CHN1: variants seen among roughly 807,000 people sequenced by gnomAD.
The protein encoded by CHN1 is N-chimaerin.
A neutral mutation model predicts 59.5 loss-of-function variants in CHN1; 37 were observed. The ratio of observed to expected loss-of-function variants is 0.62; its 90% CI spans 0.48 to 0.82. The LOEUF (loss-of-function observed/expected upper bound fraction) is 0.82, where lower values mean the gene tolerates loss of function less well. Among genes scored for constraint, CHN1 ranks in the 40% least tolerant of loss-of-function variants. CHN1 has a pLI of 0.00. For synonymous variants in CHN1, 206 were observed against 200.4 expected (o/e 1.03, Z -0.24); for missense variants, 469 against 571.0 (o/e 0.82, Z 1.82).
At chr2:174,900,742 T>C (rs2105356137) in intron 5 of CHN1, among the ~76,000 whole-genome samples, 2 of 151,400 alleles carry the variant, frequency 1.3e-5, no homozygotes, top group Middle Eastern at 6.8e-3. Flanking sequence ...GAAGCAGAGG[T>C]TGCAGTGAGC....
intron 1 of CHN1, among the ~76,000 whole-genome samples, chr2:174,969,847 A>G (rs1423521141): frequency 6.6e-6 from 1 of 152,160 alleles, no homozygotes; most frequent in Non-Finnish European, 1.5e-5. Flanking sequence ...CTTACTGCCT[A>G]GAACAGTAAT....
intron 1 of CHN1, among the ~76,000 whole-genome samples, chr2:174,969,794 G>A (rs35444483): frequency 0.013 from 2,025 of 152,160 alleles, 15 homozygotes; most frequent in Middle Eastern, 0.024. Flanking sequence ...TAAGCTCGAT[G>A]AGGGCAGGAT....
rs34155510 is a variant in CHN1 at position 174,946,900 on chromosome 2, TAAAAAAAA to T, written c.59-1965_59-1958del. Among the ~76,000 whole-genome samples, 529 of 100,192 alleles carry T rather than the reference TAAAAAAAA, an allele frequency of 5.3e-3. 6 individuals are homozygous for T. The highest frequency in any genetic ancestry group is 0.019 in the African/African-American group (496 of 26,492). 65.7% of individuals were successfully genotyped at this position (100,192 alleles called of 152,430 possible). On this transcript the variant is annotated intron_variant, in intron 2 of 12. Coordinates refer to ENST00000409900, the MANE Select transcript of CHN1 (RefSeq NM_001822.7). ...AGCGAGACCCTGTCTCTAAAAAATG[TAAAAAAAA>T]AAAAAAAAAAAAAAAAAATTCTTCA... is the stretch of plus-strand genomic sequence containing the variant.
chr2:174,870,772 TAAAG>T (rs1687383075), intron 6 of CHN1, among the ~76,000 whole-genome samples: 1 of 152,212 alleles, frequency 6.6e-6, no homozygotes, highest in African/African-American at 2.4e-5. Flanking sequence ...CTCACCAAAA[TAAAG>T]ACTTTGAAGT....
rs80286773 is a variant in CHN1 at position 174,888,838 on chromosome 2, A to G, written c.261-10710T>C. 1.9e-3 allele frequency among the ~76,000 whole-genome samples: 289 copies of G among 152,330 alleles called. 3 individuals carry two copies. In the East Asian group the frequency reaches 0.036, roughly 19 times the overall value. ...TTGCCTCAGGGCACTCACTCAAAGC[A>G]CTAATGGAACTGGTAATGTAAGGAT... On this transcript the variant is annotated intron_variant, in intron 5 of 12. Transcript: ENST00000409900.
At chr2:174,935,696 C>A (rs1217758486) in intron 3 of CHN1, among the ~76,000 whole-genome samples, 1 of 152,026 alleles carries the variant, frequency 6.6e-6, no homozygotes, top group Non-Finnish European at 1.5e-5. Flanking sequence ...GAGGCTGAGG[C>A]AGGAGGATCG....
At chr2:174,902,875 T>G (rs997541432) in intron 5 of CHN1, among the ~76,000 whole-genome samples, 2 of 152,210 alleles carry the variant, frequency 1.3e-5, no homozygotes, top group African/African-American at 4.8e-5. Context: ...CAGGAACTCT[T>G]TGGCCAAGCT....
intron 2 of CHN1, among the ~76,000 whole-genome samples, chr2:174,947,540 AGTG>A (rs1689882828): frequency 6.8e-6 from 1 of 146,870 alleles, no homozygotes; most frequent in Non-Finnish European, 1.5e-5. Flanking sequence ...GCTGGAGTGC[AGTG>A]GCACACACAT....
chr2:174,875,609 C>T (rs540242031), intron 6 of CHN1, among the ~76,000 whole-genome samples: 2 of 152,182 alleles, frequency 1.3e-5, no homozygotes, highest in Non-Finnish European at 2.9e-5. Flanking sequence ...TTAATTCCAA[C>T]ACTAGTATCT....
At chr2:174,846,729 G>T (rs1686527890) in intron 7 of CHN1, 151 bp downstream of exon 7, 1 of 879,022 alleles carries the variant, frequency 1.1e-6, no homozygotes. Flanking sequence ...TATTCCTCAA[G>T]TAAAATCAGG....
At chr2:174,883,939 G>A (rs976202029) in intron 5 of CHN1, among the ~76,000 whole-genome samples, 5 of 146,252 alleles carry the variant, frequency 3.4e-5, no homozygotes, top group African/African-American at 5.0e-5. Context: ...AATTAAGATA[G>A]AGAATCAATC....
At chr2:174,950,777 G>T (rs949871929) in intron 2 of CHN1, among the ~76,000 whole-genome samples, 18 of 127,298 alleles carry the variant, frequency 1.4e-4, no homozygotes, top group African/African-American at 4.0e-4. Flanking sequence ...ATGCAGAGAA[G>T]TTTTTTTTTT....
At chr2:174,854,118 A>G (rs1686828433) in intron 6 of CHN1, among the ~76,000 whole-genome samples, 1 of 152,194 alleles carries the variant, frequency 6.6e-6, no homozygotes, top group Admixed American at 6.5e-5. Context: ...AAATATGATC[A>G]AATTTTCATA....
intron 6 of CHN1, among the ~76,000 whole-genome samples, chr2:174,858,764 C>G (rs17270477): frequency 0.37 from 56,691 of 151,668 alleles, 11,003 homozygotes; most frequent in Admixed American, 0.47. Flanking sequence ...TATTTTTATA[C>G]AGACTGTGTC....
chr2:174,939,789 C>A (rs928108261), intron 3 of CHN1, among the ~76,000 whole-genome samples: 10 of 152,004 alleles, frequency 6.6e-5, no homozygotes, highest in Admixed American at 6.6e-5. Context: ...TAATCAAGTA[C>A]CTCATACTTA....
At chr2:174,837,901 A>G (rs1574073018) in intron 7 of CHN1, among the ~76,000 whole-genome samples, 1 of 152,236 alleles carries the variant, frequency 6.6e-6, no homozygotes, top group African/African-American at 2.4e-5. Flanking sequence ...GGGCTATTTG[A>G]TGGAGGCAAC....
intron 11 of CHN1, among the ~76,000 whole-genome samples, chr2:174,806,076 C>G (rs1461195173): frequency 6.6e-6 from 1 of 152,088 alleles, no homozygotes; most frequent in Non-Finnish European, 1.5e-5. Flanking sequence ...ACTGGAGGCT[C>G]TGTGACAAGC....
At chr2:174,945,001 AT>A in intron 2 of CHN1, 58 bp from the exon 3 acceptor site, 1 of 1,254,660 alleles carries the variant, frequency 8.0e-7, no homozygotes, top group Non-Finnish European at 1.1e-6. Context: ...TTATCAATAT[AT>A]TAGAAATAAA....
At chr2:174,947,443 G>A (rs542061596) in intron 2 of CHN1, among the ~76,000 whole-genome samples, 2 of 150,746 alleles carry the variant, frequency 1.3e-5, no homozygotes, top group African/African-American at 4.9e-5. Flanking sequence ...GGCTACCAGT[G>A]GTTACTAACA....
Sources: gnomAD v4.1 joint callset for allele counts (sites outside exome capture counted in the v4.1 genomes callset) on GRCh38, gnomAD v4.1.1 for gene constraint, MANE v1.5 for transcripts, NCBI Gene and HGNC (gene_info 2026-07-23, HGNC 2026-07-21) for gene names.